The following XPO4 variants were observed in gnomAD, a reference collection of about 807,000 sequenced individuals.
XPO4 encodes the protein exportin 4.
In XPO4, 39 loss-of-function variants were observed where a neutral mutation model predicts 143.0. The ratio of observed to expected loss-of-function variants is 0.27; its 90% CI spans 0.21 to 0.36. XPO4 has a LOEUF of 0.36. Among genes scored for constraint, XPO4 ranks in the 10% least tolerant of loss-of-function variants. The pLI, the probability that XPO4 is intolerant of heterozygous loss-of-function variation, is 1.00. For missense variants in XPO4, 907 were observed against 1,348.0 expected, an observed-to-expected ratio of 0.67 and a Z score of 5.12; for synonymous variants, 439 against 474.0, an observed-to-expected ratio of 0.93 and a Z score of 0.96.
chr13:20,800,096 G>T (rs2059412101), intron 15 of XPO4, 60 bp downstream of exon 15: 1 of 1,580,688 alleles, frequency 6.3e-7, no homozygotes, highest in African/African-American at 1.3e-5. Flanking sequence ...ACTAAGAAGT[G>T]AAAAAGAGTT....
rs962990763 is a variant in XPO4, at chr13:20,848,308, A to G, written c.457-4422T>C. On this transcript the variant is annotated intron_variant, in intron 4 of 22. Coordinates refer to ENST00000255305, the MANE Select transcript of XPO4 (RefSeq NM_022459.5). ...ATACAAGAATCCTGTTGTTTGAATC[A>G]GTTAGAAAATCTGGGCTCTAACAGT... 4.1e-6 allele frequency: 4 copies of G among 985,320 alleles called. No homozygotes were observed. The African/African-American group carries it at 7.0e-5, about 17-fold the overall frequency. 61.0% of individuals were successfully genotyped at this position (985,320 alleles called of 1,614,324 possible).
At chr13:20,864,705 T>C (rs1010578922) in intron 2 of XPO4, among the ~76,000 whole-genome samples, 1 of 152,168 alleles carries the variant, frequency 6.6e-6, no homozygotes, top group Non-Finnish European at 1.5e-5. Flanking sequence ...TTCTGCCCTT[T>C]GGAGGTGGGT....
chr13:20,860,240 G>A (rs1037831721), intron 3 of XPO4, among the ~76,000 whole-genome samples: 2 of 152,156 alleles, frequency 1.3e-5, no homozygotes, highest in African/African-American at 4.8e-5. Context: ...TTCAGAAAAC[G>A]CTAACATTTT....
At position 20,777,475 on chromosome 13, in the gene XPO4, G is replaced by A. The variant is rs910442619; in HGVS notation, c.*6247C>T. The A allele has an allele frequency of 6.6e-6, 1 of 152,164 alleles. No homozygotes were observed. Among genetic ancestry groups the A allele is most frequent in the Non-Finnish European group, 1.5e-5 (1 of 68,026 alleles). 9.4% of individuals were successfully genotyped at this position (152,164 alleles called of 1,614,324 possible). On this transcript the variant is annotated 3_prime_UTR_variant, in exon 23 of 23. Coordinates refer to ENST00000255305, the MANE Select transcript of XPO4 (RefSeq NM_022459.5). ...ATTAATGTAAGCCCTAAGCAGCTTA[G>A]TTAGACATTGAATCTAGGTCTGCCT...
intron 2 of XPO4, chr13:20,863,115 C>A: frequency 8.8e-7 from 1 of 1,135,364 alleles, no homozygotes; most frequent in South Asian, 4.0e-5. Context: ...ACTTCCAAAG[C>A]ATGAAGAACT....
In XPO4 at chr13:20,840,890, T is replaced by C. The variant is rs76816330; in HGVS notation, c.727+2005A>G. Among the ~76,000 whole-genome samples the C allele has an allele frequency of 9.7e-3, 1,474 of 152,308 alleles. 24 individuals carry two copies. Among genetic ancestry groups the C allele is most frequent in the African/African-American group, 0.034 (1,418 of 41,548 alleles). Reference sequence around the variant, plus strand: ...TATCCTCAAGTCAAAAACCAAGATATACTTTCTTTAAACAAGGAATTATTT... The same window carrying C: ...TATCCTCAAGTCAAAAACCAAGATACACTTTCTTTAAACAAGGAATTATTT... On this transcript the variant is annotated intron_variant, in intron 6 of 22. Transcript: ENST00000255305.
At chr13:20,899,636 C>G (rs2060602145) in intron 1 of XPO4, among the ~76,000 whole-genome samples, 1 of 152,202 alleles carries the variant, frequency 6.6e-6, no homozygotes, top group Non-Finnish European at 1.5e-5. Context: ...TCATCCTAGA[C>G]TCCCTAAGAC....
intron 1 of XPO4, among the ~76,000 whole-genome samples, chr13:20,885,270 C>G (rs1357115316): frequency 1.3e-5 from 2 of 152,050 alleles, no homozygotes; most frequent in Non-Finnish European, 2.9e-5. Flanking sequence ...TATTTTTAAG[C>G]TAGTCTTTGT....
intron 6 of XPO4, among the ~76,000 whole-genome samples, chr13:20,836,918 A>G (rs1197697436): frequency 6.6e-6 from 1 of 152,236 alleles, no homozygotes; most frequent in Admixed American, 6.5e-5. Flanking sequence ...ATGTTATCAT[A>G]TAATTTGTGG....
At chr13:20,894,306 TA>T (rs1188109304) in intron 1 of XPO4, among the ~76,000 whole-genome samples, 1 of 152,194 alleles carries the variant, frequency 6.6e-6, no homozygotes, top group East Asian at 1.9e-4. Context: ...TAAAGTTTAT[TA>T]GTTTTCTATT....
intron 1 of XPO4, chr13:20,902,330 C>A (rs2060629165): frequency 3.0e-6 from 3 of 985,406 alleles, no homozygotes; most frequent in Non-Finnish European, 3.6e-6. Context: ...CGAAGCCCTG[C>A]GGGGATAACC....
chr13:20,889,166 TTTAAGTTTAAG>T (rs1320361131), intron 1 of XPO4, among the ~76,000 whole-genome samples: 3 of 60,816 alleles, frequency 4.9e-5, no homozygotes, highest in Non-Finnish European at 1.1e-4. Context: ...CATGAGACTG[TTTAAGTTTAAG>T]TTAATTAAAA....
intron 6 of XPO4, among the ~76,000 whole-genome samples, chr13:20,837,793 A>C (rs1330124751): frequency 6.6e-6 from 1 of 152,144 alleles, no homozygotes; most frequent in Non-Finnish European, 1.5e-5. Context: ...AAAAGTGGAA[A>C]CCCCTGATAA....
At chr13:20,824,960 T>G (rs2059765476) in intron 7 of XPO4, among the ~76,000 whole-genome samples, 1 of 152,160 alleles carries the variant, frequency 6.6e-6, no homozygotes, top group South Asian at 2.1e-4. Flanking sequence ...AATATAGATG[T>G]AGGAGTCATC....
rs1210154580 is a variant in XPO4 at position 20,858,896 on chromosome 13, T to TAA, written c.318-3133_318-3132dup. ...AAGAAAAAACAAAAAAAGAAAAAATTAAAATATATATATATATGTGTGTGT... is the reference window on the plus strand; with the variant it reads ...AAGAAAAAACAAAAAAAGAAAAAATTAAAAAATATATATATATATGTGTGTGT... On this transcript the variant is annotated intron_variant, in intron 3 of 22. Transcript: ENST00000255305. Among the ~76,000 whole-genome samples, 156 of 115,726 alleles carry TAA rather than the reference T, an allele frequency of 1.3e-3. 3 individuals are homozygous for TAA. The South Asian group carries it at 0.037, about 28-fold the overall frequency. The allele number at this position is 115,726 out of a possible 152,430, so 75.9% of individuals were successfully genotyped here.
intron 9 of XPO4, among the ~76,000 whole-genome samples, chr13:20,811,813 G>C (rs368632061): frequency 6.6e-6 from 1 of 152,258 alleles, no homozygotes; most frequent in East Asian, 1.9e-4. Flanking sequence ...CAGAAGGATG[G>C]GGGTGTTGGA....
At chr13:20,898,083 T>C (rs1447969122) in intron 1 of XPO4, among the ~76,000 whole-genome samples, 2 of 152,168 alleles carry the variant, frequency 1.3e-5, no homozygotes, top group African/African-American at 2.4e-5. Context: ...TTTAGGAATA[T>C]CTCATCCTAT....
intron 1 of XPO4, chr13:20,879,214 A>G: frequency 4.1e-6 from 4 of 985,398 alleles, no homozygotes; most frequent in Non-Finnish European, 4.8e-6. Flanking sequence ...GGATCTAACA[A>G]GATATCCCTC....
chr13:20,900,984 G>A (rs143398608), intron 1 of XPO4, among the ~76,000 whole-genome samples: 2 of 152,196 alleles, frequency 1.3e-5, no homozygotes, highest in East Asian at 3.9e-4. Flanking sequence ...AAAGCATTTA[G>A]ACAAATTATT....
Sources: gnomAD v4.1 joint callset for allele counts (sites outside exome capture counted in the v4.1 genomes callset) on GRCh38, gnomAD v4.1.1 for gene constraint, MANE v1.5 for transcripts, NCBI Gene and HGNC (gene_info 2026-07-23, HGNC 2026-07-21) for gene names.